The following HELLS variants were observed in gnomAD, a reference collection of about 807,000 sequenced individuals.
HELLS encodes lymphoid-specific helicase.
HELLS carries 32 observed loss-of-function variants against 120.0 expected under a neutral mutation model. The ratio of observed to expected loss-of-function variants is 0.27; its 90% CI spans 0.20 to 0.36. The LOEUF (loss-of-function observed/expected upper bound fraction) is 0.36. Among genes scored for constraint, HELLS ranks in the 10% least tolerant of loss-of-function variants. The pLI is 1.00. For missense variants in HELLS, 650 were observed against 993.4 expected (o/e 0.65, Z 4.65); for synonymous variants, 341 against 323.4 (o/e 1.05, Z -0.58).
intron 19 of HELLS, among the ~76,000 whole-genome samples, chr10:94,596,577 A>G (rs943810662): frequency 6.6e-6 from 1 of 151,968 alleles, no homozygotes; most frequent in Non-Finnish European, 1.5e-5. Flanking sequence ...GTTATTATGA[A>G]TAAGTTGGTC....
At chr10:94,571,999 A>T (rs1844197682) in intron 7 of HELLS, among the ~76,000 whole-genome samples, 1 of 152,198 alleles carries the variant, frequency 6.6e-6, no homozygotes, top group Admixed American at 6.5e-5. Context: ...GTTAATTTAC[A>T]TATTAAAGAT....
chr10:94,577,046 A>G (rs1452419296), intron 10 of HELLS: 8 of 588,014 alleles, frequency 1.4e-5, no homozygotes, highest in Admixed American at 1.0e-4. Flanking sequence ...GCTTAGAATC[A>G]TCCAGAAATA....
intron 10 of HELLS, among the ~76,000 whole-genome samples, chr10:94,580,173 A>ACC: frequency 8.8e-6 from 1 of 113,646 alleles, no homozygotes; most frequent in Non-Finnish European, 1.8e-5. Context: ...ACACACACAC[A>ACC]CACACACACA....
chr10:94,578,722 C>T (rs1046118201), intron 10 of HELLS, among the ~76,000 whole-genome samples: 2 of 152,190 alleles, frequency 1.3e-5, no homozygotes, highest in South Asian at 2.1e-4. Context: ...CTCAACATAA[C>T]GTAGAATCAG....
In HELLS at chr10:94,574,053, G is replaced by T; in HGVS notation, c.571G>T (p.Val191Phe). The change falls in exon 8 of 22, where the codon GTT becomes TTT. Residue 191 changes from valine (V) to phenylalanine (F), a missense_variant. Around this residue, in one of 9 missense-constraint regions of HELLS, gnomAD observed 113 missense variants for 120.7 expected, o/e 0.94. Coordinates refer to ENST00000348459, the MANE Select transcript of HELLS (RefSeq NM_018063.5). ...SIIKDRLSET[V>F]RQNTKFFFDP... The stretch of plus-strand genomic sequence containing the variant: ...AATTAAAGATAGATTGTCTGAAACG[G>T]TTAGGCAGAATACTAAATTCTTTTT... 6.2e-7 allele frequency: 1 copy of T among 1,612,210 alleles called. No homozygotes were observed. The highest frequency in any genetic ancestry group is 8.5e-7 in the Non-Finnish European group (1 of 1,178,288).
intron 4 of HELLS, among the ~76,000 whole-genome samples, chr10:94,559,171 G>A (rs1329988857): frequency 6.6e-6 from 1 of 152,118 alleles, no homozygotes; most frequent in African/African-American, 2.4e-5. Context: ...AACATGGGTT[G>A]CTGTTCTTTG....
At chr10:94,596,780 G>A in intron 19 of HELLS, 80 bp from the exon 20 acceptor site, 3 of 727,714 alleles carry the variant, frequency 4.1e-6, no homozygotes, top group Non-Finnish European at 7.1e-6. Flanking sequence ...CTTAATGCAA[G>A]CCATTGTGAT....
chr10:94,585,623 A>G (rs1845103193), intron 12 of HELLS, among the ~76,000 whole-genome samples: 1 of 150,850 alleles, frequency 6.6e-6, no homozygotes, highest in Non-Finnish European at 1.5e-5. Context: ...ACCTCAAGTG[A>G]TCTGCCCGCC....
chr10:94,581,368 A>G lies in HELLS; in HGVS notation c.1075A>G (p.Ile359Val). 6.2e-7 allele frequency: 1 copy of G among 1,609,708 alleles called. No homozygotes were observed. Among genetic ancestry groups the G allele is most frequent in the Non-Finnish European group, 8.5e-7 (1 of 1,178,058 alleles). The change falls in exon 11 of 22, where the codon ATT (isoleucine) becomes GTT (valine). Residue 359 changes from isoleucine to valine, a missense_variant. By Grantham distance (29) the Ile-to-Val change is conservative. Transcript: ENST00000348459. ...KYLIVDEGHRIKNMKCRLIRE... is the reference protein window; with the variant it reads ...KYLIVDEGHRVKNMKCRLIRE... ...CTTAATAGTAGATGAAGGACACAGG[A>G]TTAAGAATATGAAGTGCCGTCTAAT...
intron 12 of HELLS, chr10:94,583,867 T>G: frequency 2.5e-6 from 1 of 399,398 alleles, no homozygotes; most frequent in Non-Finnish European, 4.4e-6. Context: ...CCCATTGTCT[T>G]GTTCTACTAT....
At chr10:94,578,866 A>T (rs1030370912) in intron 10 of HELLS, among the ~76,000 whole-genome samples, 2 of 151,454 alleles carry the variant, frequency 1.3e-5, no homozygotes, top group Non-Finnish European at 3.0e-5. Context: ...AATAGTGTTC[A>T]TGCTCCTATG....
At chr10:94,581,687 G>A (rs1240640237) in intron 11 of HELLS, among the ~76,000 whole-genome samples, 165 bp downstream of exon 11, 1 of 152,174 alleles carries the variant, frequency 6.6e-6, no homozygotes, top group Non-Finnish European at 1.5e-5. Context: ...AGCAGATTAA[G>A]AAAAGATTAT....
chr10:94,561,715 C>T (rs879073544), intron 4 of HELLS, among the ~76,000 whole-genome samples: 1 of 152,148 alleles, frequency 6.6e-6, no homozygotes. Flanking sequence ...AATCCTACTA[C>T]CTAGTCCTCC....
At chr10:94,564,626 T>C (rs920333592) in intron 6 of HELLS, among the ~76,000 whole-genome samples, 18 of 152,186 alleles carry the variant, frequency 1.2e-4, no homozygotes, top group Admixed American at 6.5e-5. Flanking sequence ...TCCTTTTTTT[T>C]TCTTGGAGAC....
chr10:94,558,747 G>A (rs1037928413), intron 4 of HELLS, among the ~76,000 whole-genome samples: 2 of 151,884 alleles, frequency 1.3e-5, no homozygotes, highest in Non-Finnish European at 2.9e-5. Flanking sequence ...GACTACAGGC[G>A]CCCGCCACCA....
chr10:94,583,042 T>C lies in HELLS; in HGVS notation c.1309T>C (p.Leu437=), dbSNP rs370924470. ...TGCTAAAGAAAGAGAACAGAATGTATTGCATATGCTGCACCAGGTTTTCCA... is the reference window on the plus strand; with the variant it reads ...TGCTAAAGAAAGAGAACAGAATGTACTGCATATGCTGCACCAGGTTTTCCA... ...IIAKEREQNV[L]HMLHQILTPF... is the part of the protein sequence containing the mutation. Residue 437 remains leucine (L), a synonymous_variant, in exon 12 of 22, where the codon TTG becomes CTG. Transcript: ENST00000348459. 6.3e-7 allele frequency: 1 copy of C among 1,591,232 alleles called. No homozygotes were observed.
At position 94,588,338 on chromosome 10, in the gene HELLS, T is replaced by C; in HGVS notation, c.1436T>C (p.Phe479Ser). 6.2e-7 allele frequency: 1 copy of C among 1,612,986 alleles called. No homozygotes were observed. The highest frequency in any genetic ancestry group is 8.5e-7 in the Non-Finnish European group (1 of 1,179,406). The change falls in exon 13 of 22, where the codon TTT becomes TCT. Residue 479 changes from phenylalanine (F) to serine (S), a missense_variant. By Grantham distance (155) the Phe-to-Ser change is radical. Transcript: ENST00000348459. ...YAPLSKKQEIFYTAIVNRTIA... is the reference protein window; with the variant it reads ...YAPLSKKQEISYTAIVNRTIA... Reference sequence around the variant, plus strand: ...CCACTTTCAAAGAAGCAGGAGATCTTTTATACAGCCATTGTGAACCGTACA... The same window carrying C: ...CCACTTTCAAAGAAGCAGGAGATCTCTTATACAGCCATTGTGAACCGTACA...
intron 6 of HELLS, chr10:94,569,171 A>G (rs1312124021): frequency 6.7e-6 from 1 of 149,560 alleles, no homozygotes; most frequent in African/African-American, 2.5e-5. Flanking sequence ...TATTTTAACA[A>G]AAAGCTCAGC....
intron 7 of HELLS, among the ~76,000 whole-genome samples, chr10:94,572,200 A>T (rs1257711307): frequency 6.6e-6 from 1 of 152,134 alleles, no homozygotes; most frequent in Non-Finnish European, 1.5e-5. Flanking sequence ...ATTTAGTTGG[A>T]TTTTTAAGAT....
Sources: gnomAD v4.1 joint callset for allele counts (sites outside exome capture counted in the v4.1 genomes callset) on GRCh38, gnomAD v4.1.1 for gene constraint, gnomAD v4.1.1 regional missense constraint, MANE v1.5 for transcripts, NCBI Gene and HGNC (gene_info 2026-07-23, HGNC 2026-07-21) for gene names.